ROBO1: variants seen among roughly 807,000 people sequenced by gnomAD.
The protein encoded by ROBO1 is roundabout guidance receptor 1, also known as roundabout homolog 1.
ROBO1 carries 149 observed loss-of-function variants against 195.9 expected under a neutral mutation model. The observed-to-expected ratio is 0.76, with a 90% CI of 0.67 to 0.87. ROBO1 has a LOEUF of 0.87. ROBO1 is among the 40% of genes least tolerant of loss of function. The pLI, the probability that ROBO1 is intolerant of heterozygous loss-of-function variation, is 0.00. For missense variants in ROBO1, 1,933 were observed against 2,068.3 expected (o/e 0.93, Z 1.27); for synonymous variants, 816 against 733.2 (o/e 1.11, Z -1.82).
At chr3:79,553,462 G>T (rs931559051) in intron 2 of ROBO1, among the ~76,000 whole-genome samples, 2 of 151,986 alleles carry the variant, frequency 1.3e-5, no homozygotes, top group Non-Finnish European at 2.9e-5. Flanking sequence ...GTTTTCTCCA[G>T]AGTATGCATA....
Position 79,543,929 on chromosome 3 carries a change from A to G in ROBO1, c.88+45895T>C, listed in dbSNP as rs913013535. ...TTTCTTGTGTTTCCTTTTAAGCTTA[A>G]TGAAAGCAGAAATAAGCAAAAATGT... is the stretch of plus-strand genomic sequence containing the variant. On this transcript the variant is annotated intron_variant, in intron 2 of 30. Coordinates refer to ENST00000464233, the MANE Select transcript of ROBO1 (RefSeq NM_002941.4). Among the ~76,000 whole-genome samples, 13 of 152,238 alleles carry G rather than the reference A, an allele frequency of 8.5e-5. 1 individual carries two copies. In the South Asian group the frequency reaches 2.7e-3, roughly 32 times the overall value.
intron 2 of ROBO1, among the ~76,000 whole-genome samples, chr3:79,522,917 A>T (rs1941268505): frequency 6.6e-6 from 1 of 152,120 alleles, no homozygotes; most frequent in Admixed American, 6.5e-5. Context: ...TAAAATTGGA[A>T]CCTAAATAAC....
At chr3:79,112,997 G>A (rs755552424) in intron 3 of ROBO1, among the ~76,000 whole-genome samples, 1 of 152,096 alleles carries the variant, frequency 6.6e-6, no homozygotes, top group African/African-American at 2.4e-5. Flanking sequence ...GGAAAGTCAT[G>A]TTTTATCACC....
rs374858268 is a variant in ROBO1, at chr3:78,668,157, T to C, written c.1776A>G (p.Thr592=). The C allele has an allele frequency of 3.9e-4, 622 of 1,613,764 alleles. 1 individual carries two copies. The highest frequency in any genetic ancestry group is 2.0e-3 in the Middle Eastern group (12 of 6,060). Residue 592 remains threonine, a synonymous_variant, in exon 13 of 31, where the codon ACA becomes ACG. Transcript: ENST00000464233. The part of the protein sequence containing the change: ...QPNLNSGATP[T]SYIIEAFSHA... The stretch of plus-strand genomic sequence containing the variant: ...ACCTGAAGGCTTCTATAATATAAGA[T>C]GTTGGAGTTGCTCCTGAATTCAAAT...
At chr3:79,764,358 C>T (rs554583778) in intron 1 of ROBO1, among the ~76,000 whole-genome samples, 1 of 152,280 alleles carries the variant, frequency 6.6e-6, no homozygotes, top group East Asian at 1.9e-4. Flanking sequence ...GATTATGTGA[C>T]CAGGTCATAA....
At chr3:79,346,227 C>T (rs1163711352) in intron 2 of ROBO1, among the ~76,000 whole-genome samples, 1 of 152,078 alleles carries the variant, frequency 6.6e-6, no homozygotes, top group Non-Finnish European at 1.5e-5. Flanking sequence ...AAATACACTT[C>T]TACAAAATAG....
intron 4 of ROBO1, among the ~76,000 whole-genome samples, chr3:78,862,536 A>T (rs2034917115): frequency 6.6e-6 from 1 of 152,294 alleles, no homozygotes; most frequent in Non-Finnish European, 1.5e-5. Flanking sequence ...TCAAACTGCT[A>T]AATTTGTGGC....
chr3:79,530,026 A>G (rs1575975425), intron 2 of ROBO1, among the ~76,000 whole-genome samples: 1 of 152,156 alleles, frequency 6.6e-6, no homozygotes, highest in Non-Finnish European at 1.5e-5. Context: ...TTCCTTCCTC[A>G]CCAACCTAAT....
chr3:78,953,652 G>A (rs567003144), intron 3 of ROBO1, among the ~76,000 whole-genome samples: 4 of 152,062 alleles, frequency 2.6e-5, no homozygotes, highest in Admixed American at 6.6e-5. Context: ...AGGGTAGAGG[G>A]ACATAAACTA....
chr3:78,681,762 C>T (rs1157186329), intron 10 of ROBO1, among the ~76,000 whole-genome samples: 1 of 152,028 alleles, frequency 6.6e-6, no homozygotes, highest in African/African-American at 2.4e-5. Flanking sequence ...ATTAGTCGGG[C>T]GTGGTGGCGG....
intron 2 of ROBO1, among the ~76,000 whole-genome samples, chr3:79,552,920 A>G (rs1398145484): frequency 6.6e-6 from 1 of 152,128 alleles, no homozygotes; most frequent in Non-Finnish European, 1.5e-5. Flanking sequence ...GGTATTAAAC[A>G]CATAAATTGA....
chr3:78,691,916 T>C (rs1385977120), intron 8 of ROBO1, among the ~76,000 whole-genome samples: 3 of 152,206 alleles, frequency 2.0e-5, no homozygotes, highest in African/African-American at 4.8e-5. Flanking sequence ...CTAAGAACTG[T>C]TGATAGGCTA....
chr3:78,725,482 CT>C (rs1251894906), intron 5 of ROBO1, among the ~76,000 whole-genome samples: 1 of 152,016 alleles, frequency 6.6e-6, no homozygotes, highest in Non-Finnish European at 1.5e-5. Flanking sequence ...GAAATGACTA[CT>C]TTTTTTAGGG....
chr3:79,014,217 C>T (rs971302388), intron 3 of ROBO1, among the ~76,000 whole-genome samples: 2 of 152,106 alleles, frequency 1.3e-5, no homozygotes, highest in Non-Finnish European at 2.9e-5. Flanking sequence ...TCCCTGTAAT[C>T]CCAGCACTTT....
intron 3 of ROBO1, among the ~76,000 whole-genome samples, chr3:79,082,494 T>A (rs936840846): frequency 6.6e-6 from 1 of 152,156 alleles, no homozygotes; most frequent in Admixed American, 6.6e-5. Context: ...ACCACATAGA[T>A]GAAAATGAAT....
At chr3:78,666,931 T>C (rs1351076046) in intron 14 of ROBO1, among the ~76,000 whole-genome samples, 5 of 152,132 alleles carry the variant, frequency 3.3e-5, no homozygotes, top group Non-Finnish European at 7.3e-5. Flanking sequence ...ACTATCCCTC[T>C]GTATGTTGAG....
At chr3:79,606,608 C>T (rs563226952) in intron 1 of ROBO1, among the ~76,000 whole-genome samples, 2 of 151,980 alleles carry the variant, frequency 1.3e-5, no homozygotes, top group South Asian at 4.1e-4. Context: ...GTTATTCTAT[C>T]CTACTACTGT....
At chr3:79,083,074 G>A (rs1290863528) in intron 3 of ROBO1, among the ~76,000 whole-genome samples, 1 of 152,082 alleles carries the variant, frequency 6.6e-6, no homozygotes, top group African/African-American at 2.4e-5. Flanking sequence ...GTGCATGCCT[G>A]TAGTCCCAGC....
chr3:78,988,684 T>C (rs189123409), intron 3 of ROBO1, among the ~76,000 whole-genome samples: 1 of 152,342 alleles, frequency 6.6e-6, no homozygotes, highest in African/African-American at 2.4e-5. Context: ...AAACTCTTTG[T>C]TTTGTAATTG....
Sources: gnomAD v4.1 joint callset for allele counts (sites outside exome capture counted in the v4.1 genomes callset) on GRCh38, gnomAD v4.1.1 for gene constraint, MANE v1.5 for transcripts, NCBI Gene and HGNC (gene_info 2026-07-23, HGNC 2026-07-21) for gene names.